Variants in PSEN1 observed in about 807,000 individuals in gnomAD.
PSEN1 encodes the protein presenilin 1.
A neutral mutation model predicts 53.5 loss-of-function variants in PSEN1; 15 were observed. The ratio of observed to expected loss-of-function variants is 0.28; its 90% CI spans 0.19 to 0.43. The LOEUF (loss-of-function observed/expected upper bound fraction) is 0.43, where lower values mean the gene tolerates loss of function less well. Ranked by LOEUF, PSEN1 falls within the 20% of genes least tolerant of loss-of-function variation. PSEN1 has a pLI of 1.00. For missense variants in PSEN1, 387 were observed against 571.2 expected, an observed-to-expected ratio of 0.68 and a Z score of 3.29; for synonymous variants, 208 against 209.8, an observed-to-expected ratio of 0.99 and a Z score of 0.08.
chr14:73,198,036 G>A lies in PSEN1; in HGVS notation c.775G>A (p.Val259Met). 6.3e-7 allele frequency: 1 copy of A among 1,589,764 alleles called. No homozygotes were observed. The highest frequency in any genetic ancestry group is 1.3e-5 in the African/African-American group (1 of 74,570). ...TTATGTTTTTCTTTTTCTAGATTTAGTGGCTGTTTTGTGTCCGAAAGGTCC... is the reference window on the plus strand; with the variant it reads ...TTATGTTTTTCTTTTTCTAGATTTAATGGCTGTTTTGTGTCCGAAAGGTCC... ...ILAVISVYDL[V>M]AVLCPKGPLR... Residue 259 changes from valine to methionine, a missense_variant, in exon 8 of 12, where the codon GTG (valine) becomes ATG (methionine). By Grantham distance (21) the Val-to-Met change is conservative (BLOSUM62 1). Transcript: ENST00000324501.
chr14:73,151,878 T>TTATATATATATATATGTGTATATA (rs1897234309), intron 3 of PSEN1, among the ~76,000 whole-genome samples: 6 of 56,930 alleles, frequency 1.1e-4, no homozygotes, highest in African/African-American at 5.5e-4. Flanking sequence ...CTAAAATATT[T>TTATATATATATATATGTGTATATA]TATATATATA....
chr14:73,208,866 C>T, intron 9 of PSEN1: 1 of 455,384 alleles, frequency 2.2e-6, no homozygotes, highest in Non-Finnish European at 4.4e-6. Context: ...CTGTCTATAG[C>T]TCCCATGGCA....
rs140169796 is a variant in PSEN1, at chr14:73,219,248, C to T, written c.1363C>T (p.Pro455Ser). The T allele has an allele frequency of 2.5e-6, 4 of 1,613,638 alleles. No individual in the cohort carries two copies. The highest frequency in any genetic ancestry group is 3.4e-6 in the Non-Finnish European group (4 of 1,179,580). The change falls in exon 12 of 12, where the codon CCT becomes TCT. Residue 455 changes from proline to serine, a missense_variant. Pro to Ser is a moderately conservative substitution (Grantham distance 74, BLOSUM62 -1). Around this residue, in one of 4 missense-constraint regions of PSEN1, gnomAD observed 44 missense variants for 106.3 expected, o/e 0.41. Transcript: ENST00000324501. ...FYFATDYLVQ[P>S]FMDQLAFHQF... The stretch of plus-strand genomic sequence containing the variant: ...CTTTGCCACAGATTATCTTGTACAG[C>T]CTTTTATGGACCAATTAGCATTCCA...
intron 5 of PSEN1, among the ~76,000 whole-genome samples, chr14:73,181,655 G>T (rs1898217720): frequency 6.6e-6 from 1 of 152,170 alleles, no homozygotes; most frequent in African/African-American, 2.4e-5. Context: ...TGTAATAAAA[G>T]ATTACATTTG....
intron 3 of PSEN1, among the ~76,000 whole-genome samples, chr14:73,166,102 T>A (rs745799898): frequency 2.0e-4 from 30 of 152,108 alleles, no homozygotes; most frequent in Non-Finnish European, 4.3e-4. Context: ...TCCAGCGTAC[T>A]ACAAAGAGGA....
intron 4 of PSEN1, among the ~76,000 whole-genome samples, chr14:73,171,924 A>G (rs1897902298): frequency 6.6e-6 from 1 of 152,190 alleles, no homozygotes; most frequent in African/African-American, 2.4e-5. Context: ...CCTTCTTGGT[A>G]TCTTTTCTCA....
chr14:73,183,649 G>A (rs1336792177), intron 5 of PSEN1, among the ~76,000 whole-genome samples: 3 of 152,156 alleles, frequency 2.0e-5, no homozygotes. Flanking sequence ...CAAGGCAGAA[G>A]AAGTTTTCTT....
At chr14:73,175,520 C>T (rs1057018651) in intron 5 of PSEN1, among the ~76,000 whole-genome samples, 4 of 151,926 alleles carry the variant, frequency 2.6e-5, no homozygotes, top group African/African-American at 9.7e-5. Flanking sequence ...GGAGTCTACT[C>T]TGTTTCCTTC....
chr14:73,143,127 G>T (rs1410763147), intron 1 of PSEN1, among the ~76,000 whole-genome samples: 1 of 152,222 alleles, frequency 6.6e-6, no homozygotes, highest in East Asian at 1.9e-4. Context: ...TGACCGCCAT[G>T]CAATCCTCAA....
intron 8 of PSEN1, among the ~76,000 whole-genome samples, chr14:73,202,777 T>C (rs1899283605): frequency 6.6e-6 from 1 of 151,732 alleles, no homozygotes; most frequent in Non-Finnish European, 1.5e-5. Context: ...CAGCCTATCA[T>C]ATATAATATT....
intron 5 of PSEN1, among the ~76,000 whole-genome samples, chr14:73,177,033 A>G (rs1042962957): frequency 1.3e-5 from 2 of 152,060 alleles, no homozygotes; most frequent in Non-Finnish European, 2.9e-5. Flanking sequence ...CCTTATTGCC[A>G]TTTGACTTAT....
At chr14:73,146,292 A>G (rs549210403) in intron 1 of PSEN1, among the ~76,000 whole-genome samples, 1 of 148,806 alleles carries the variant, frequency 6.7e-6, no homozygotes, top group South Asian at 2.1e-4. Flanking sequence ...GACTCAAGCC[A>G]TCCCCCCACC....
chr14:73,169,298 T>A (rs2140032725), intron 3 of PSEN1: 1 of 152,348 alleles, frequency 6.6e-6, no homozygotes, highest in East Asian at 1.9e-4. Context: ...CACCTGCTGG[T>A]TAAGCTTAGG....
intron 3 of PSEN1, among the ~76,000 whole-genome samples, chr14:73,155,916 CA>C (rs1897340759): frequency 6.6e-6 from 1 of 152,118 alleles, no homozygotes; most frequent in African/African-American, 2.4e-5. Context: ...TGTGGACTGT[CA>C]ATGTAGGTTC....
At chr14:73,155,683 T>C (rs1390356648) in intron 3 of PSEN1, among the ~76,000 whole-genome samples, 1 of 152,068 alleles carries the variant, frequency 6.6e-6, no homozygotes, top group Non-Finnish European at 1.5e-5. Flanking sequence ...TTTTTTGCTG[T>C]TAGTTTCACT....
chr14:73,161,398 C>G (rs1897532857), intron 3 of PSEN1, among the ~76,000 whole-genome samples: 1 of 152,100 alleles, frequency 6.6e-6, no homozygotes, highest in Admixed American at 6.6e-5. Flanking sequence ...TTTAATTTCT[C>G]TTAGCAATAT....
In PSEN1 at chr14:73,221,577, G is replaced by A. The variant is rs1182255679; in HGVS notation, c.*2288G>A. 6.6e-6 allele frequency: 1 copy of A among 151,890 alleles called. No individual in the cohort carries two copies. The highest frequency in any genetic ancestry group is 1.5e-5 in the Non-Finnish European group (1 of 67,994). The allele number at this position is 151,890 out of a possible 1,614,324, so 9.4% of individuals were successfully genotyped here. On this transcript the variant is annotated 3_prime_UTR_variant, in exon 12 of 12. Coordinates refer to ENST00000324501, the MANE Select transcript of PSEN1 (RefSeq NM_000021.4). ...GCCACATTGTTAGACAGTGTACAGA[G>A]AACCTATCTTTCCTTTTTTTTTTTT...
chr14:73,140,132 TATAGGACC>T (rs753727542), intron 1 of PSEN1, among the ~76,000 whole-genome samples: 1 of 151,830 alleles, frequency 6.6e-6, no homozygotes, highest in Non-Finnish European at 1.5e-5. Flanking sequence ...TACAAAGGTA[TATAGGACC>T]ATAGTCTCAT....
intron 5 of PSEN1, among the ~76,000 whole-genome samples, chr14:73,176,961 G>C (rs1898063854): frequency 6.6e-6 from 1 of 152,188 alleles, no homozygotes; most frequent in African/African-American, 2.4e-5. Context: ...TGCGTATCAT[G>C]TGGTTACCAG....
Sources: allele counts gnomAD v4.1 joint callset (sites outside exome capture counted in the v4.1 genomes callset), GRCh38; gene constraint gnomAD v4.1.1; regional missense constraint gnomAD v4.1.1; transcripts MANE v1.5; gene names NCBI Gene and HGNC (gene_info 2026-07-23, HGNC 2026-07-21).